The following GAS2 variants were observed in gnomAD, a reference collection of about 807,000 sequenced individuals.
GAS2 encodes the protein growth arrest specific 2, also known as growth arrest-specific protein 2.
A neutral mutation model predicts 37.5 loss-of-function variants in GAS2; 20 were observed. The ratio of observed to expected loss-of-function variants is 0.53; its 90% CI spans 0.37 to 0.77. The LOEUF (loss-of-function observed/expected upper bound fraction) is 0.77. Ranked by LOEUF, GAS2 falls within the 30% of genes least tolerant of loss-of-function variation. The pLI is 0.00. For synonymous variants in GAS2, 144 were observed against 132.2 expected (o/e 1.09, Z -0.61); for missense variants, 336 against 373.4 (o/e 0.90, Z 0.82).
At chr11:22,629,885 G>A (rs757920595) in intron 1 of GAS2, among the ~76,000 whole-genome samples, 13 of 151,758 alleles carry the variant, frequency 8.6e-5, no homozygotes, top group Non-Finnish European at 1.5e-4. Context: ...TCTTTGCCTC[G>A]GTCAGTGTCC....
intron 7 of GAS2, among the ~76,000 whole-genome samples, chr11:22,787,706 A>G (rs1044132588): frequency 3.3e-5 from 5 of 152,332 alleles, no homozygotes; most frequent in African/African-American, 9.6e-5. Flanking sequence ...TAGAATTTAA[A>G]CAATGCAGCA....
chr11:22,748,849 T>G (rs113631985), intron 5 of GAS2, among the ~76,000 whole-genome samples: 1 of 152,246 alleles, frequency 6.6e-6, no homozygotes, highest in African/African-American at 2.4e-5. Context: ...TGCTGTTTCA[T>G]TAATATATTG....
In GAS2 at chr11:22,773,552, C is replaced by A. The variant is rs567833846; in HGVS notation, c.723+17599C>A. The stretch of plus-strand genomic sequence containing the variant: ...GGGACTGCAGGCGCCCGCCACCATG[C>A]CCGGCTAATATTTTGTATTTTTAGT... On this transcript the variant is annotated intron_variant, in intron 7 of 7. Coordinates refer to ENST00000454584, the MANE Select transcript of GAS2 (RefSeq NM_001143830.3). 2.0e-5 allele frequency among the ~76,000 whole-genome samples: 3 copies of A among 151,992 alleles called. No individual in the cohort carries two copies. In the South Asian group the frequency reaches 6.2e-4, roughly 32 times the overall value.
intron 3 of GAS2, among the ~76,000 whole-genome samples, chr11:22,695,088 G>A (rs1850433926): frequency 6.6e-6 from 1 of 152,120 alleles, no homozygotes; most frequent in Non-Finnish European, 1.5e-5. Flanking sequence ...GGGAGGCTGA[G>A]GCGGGTGGAT....
intron 3 of GAS2, among the ~76,000 whole-genome samples, chr11:22,704,217 T>G (rs939225619): frequency 3.9e-5 from 6 of 152,100 alleles, no homozygotes; most frequent in African/African-American, 7.2e-5. Flanking sequence ...CCATGTTCTT[T>G]TAGGCACTTG....
intron 6 of GAS2, among the ~76,000 whole-genome samples, chr11:22,752,761 G>A (rs1265731640): frequency 1.3e-5 from 2 of 151,988 alleles, no homozygotes; most frequent in African/African-American, 2.4e-5. Flanking sequence ...TTATAGTCCA[G>A]TGAACAGTTT....
At chr11:22,758,524 C>T (rs1854176135) in intron 7 of GAS2, among the ~76,000 whole-genome samples, 1 of 152,066 alleles carries the variant, frequency 6.6e-6, no homozygotes, top group Non-Finnish European at 1.5e-5. Flanking sequence ...ATGCAAAGAA[C>T]AATTCAGGGT....
chr11:22,645,166 T>C (rs1007205592), intron 1 of GAS2, among the ~76,000 whole-genome samples: 31 of 152,016 alleles, frequency 2.0e-4, no homozygotes, highest in African/African-American at 7.3e-4. Flanking sequence ...CTGAGAGAAT[T>C]GTAGGGTAGA....
At chr11:22,751,743 G>C (rs1372752974) in intron 6 of GAS2, among the ~76,000 whole-genome samples, 1 of 151,872 alleles carries the variant, frequency 6.6e-6, no homozygotes, top group Non-Finnish European at 1.5e-5. Context: ...TTGAGATGGG[G>C]AGAAAAAGAA....
intron 7 of GAS2, among the ~76,000 whole-genome samples, chr11:22,758,921 A>T (rs936111482): frequency 6.6e-6 from 1 of 150,522 alleles, no homozygotes; most frequent in African/African-American, 2.4e-5. Context: ...CTCAAAAAAA[A>T]AAAAAAGAGA....
At chr11:22,650,851 A>G (rs200789524) in intron 1 of GAS2, among the ~76,000 whole-genome samples, 2 of 151,614 alleles carry the variant, frequency 1.3e-5, no homozygotes. Context: ...CAGCACACTG[A>G]TGGATCTTGA....
chr11:22,695,742 T>G (rs1450205232), intron 3 of GAS2, among the ~76,000 whole-genome samples: 1 of 152,058 alleles, frequency 6.6e-6, no homozygotes, highest in East Asian at 1.9e-4. Flanking sequence ...TCTCTAAATT[T>G]GACAACAGAA....
intron 1 of GAS2, among the ~76,000 whole-genome samples, chr11:22,658,944 A>G (rs1848885765): frequency 6.6e-6 from 1 of 152,246 alleles, no homozygotes; most frequent in South Asian, 2.1e-4. Flanking sequence ...TGTATGCAGC[A>G]TAGTTGCATC....
chr11:22,718,707 CA>C (rs1851804561), intron 3 of GAS2, among the ~76,000 whole-genome samples: 1 of 151,916 alleles, frequency 6.6e-6, no homozygotes, highest in African/African-American at 2.4e-5. Context: ...TATTACTCCT[CA>C]TTATGAACAC....
At chr11:22,687,424 T>C (rs531761280) in intron 3 of GAS2, among the ~76,000 whole-genome samples, 2 of 152,290 alleles carry the variant, frequency 1.3e-5, no homozygotes, top group Admixed American at 1.3e-4. Context: ...CTAGAATTTT[T>C]AAAAAGCTCC....
intron 3 of GAS2, among the ~76,000 whole-genome samples, chr11:22,693,739 T>G (rs555145996): frequency 2.6e-5 from 4 of 152,322 alleles, no homozygotes; most frequent in Non-Finnish European, 5.9e-5. Context: ...TCACAAAGCA[T>G]TTCCCTTTTC....
chr11:22,743,206 T>C (rs1476798388), intron 5 of GAS2, among the ~76,000 whole-genome samples: 2 of 152,130 alleles, frequency 1.3e-5, no homozygotes, highest in Non-Finnish European at 2.9e-5. Flanking sequence ...ATTTAAAGAA[T>C]GACTACAGTA....
intron 1 of GAS2, among the ~76,000 whole-genome samples, chr11:22,647,901 T>C (rs569253024): frequency 2.6e-5 from 4 of 152,318 alleles, no homozygotes; most frequent in Non-Finnish European, 4.4e-5. Flanking sequence ...GTAGTTTCTT[T>C]TGCTGTGCAG....
chr11:22,652,529 G>A (rs560370318), intron 1 of GAS2, among the ~76,000 whole-genome samples: 34 of 152,322 alleles, frequency 2.2e-4, no homozygotes, highest in African/African-American at 6.7e-4. Flanking sequence ...CCTGGCTGCC[G>A]CCTTGCAGTT....
Sources: gnomAD v4.1 joint callset for allele counts (sites outside exome capture counted in the v4.1 genomes callset) on GRCh38, gnomAD v4.1.1 for gene constraint, MANE v1.5 for transcripts, NCBI Gene and HGNC (gene_info 2026-07-23, HGNC 2026-07-21) for gene names.